Variants in DOK6 observed in about 807,000 individuals in gnomAD.
DOK6 encodes the protein docking protein 6.
In DOK6, 22 loss-of-function variants were observed where a neutral mutation model predicts 44.0. The observed-to-expected ratio is 0.50, with a 90% CI of 0.36 to 0.71. The LOEUF (loss-of-function observed/expected upper bound fraction) is 0.71, where lower values mean the gene tolerates loss of function less well. Among genes scored for constraint, DOK6 ranks in the 30% least tolerant of loss-of-function variants. The probability of loss-of-function intolerance (pLI) is 0.00; values close to 1 mark genes in which losing one functional copy is unlikely to be tolerated. For synonymous variants in DOK6, 166 were observed against 145.5 expected (o/e 1.14, Z -1.01); for missense variants, 340 against 416.4 (o/e 0.82, Z 1.60).
At chr18:69,593,598 CTG>C (rs1409623627) in intron 2 of DOK6, among the ~76,000 whole-genome samples, 1 of 152,258 alleles carries the variant, frequency 6.6e-6, no homozygotes, top group Middle Eastern at 3.4e-3. Flanking sequence ...AGAGCAAACA[CTG>C]TGTTTGACCT....
intron 7 of DOK6, among the ~76,000 whole-genome samples, chr18:69,769,140 A>G (rs73456831): frequency 0.036 from 5,484 of 152,150 alleles, 269 homozygotes; most frequent in African/African-American, 0.11. Flanking sequence ...GAGGAGTTTG[A>G]TATGAAACTC....
intron 5 of DOK6, among the ~76,000 whole-genome samples, chr18:69,702,334 A>G (rs943194165): frequency 6.6e-6 from 1 of 152,118 alleles, no homozygotes; most frequent in Non-Finnish European, 1.5e-5. Flanking sequence ...TTAGACAACA[A>G]GGTCTCGTGT....
At position 69,833,799 on chromosome 18, in the gene DOK6, G is replaced by T. The variant is rs145472311; in HGVS notation, c.857-7445G>T. Among the ~76,000 whole-genome samples, 373 of 152,178 alleles carry T rather than the reference G, an allele frequency of 2.5e-3. 3 individuals carry two copies. Among genetic ancestry groups the T allele is most frequent in the African/African-American group, 8.5e-3 (353 of 41,532 alleles). The stretch of plus-strand genomic sequence containing the variant: ...TATACAAGTGGCAAACAGATATGTA[G>T]ATATAAAAGCTCAACATAACTAATC... On this transcript the variant is annotated intron_variant, in intron 7 of 7. Coordinates refer to ENST00000382713, the MANE Select transcript of DOK6 (RefSeq NM_152721.6).
At chr18:69,789,180 G>A (rs752406665) in intron 7 of DOK6, among the ~76,000 whole-genome samples, 29 of 152,072 alleles carry the variant, frequency 1.9e-4, no homozygotes, top group South Asian at 1.2e-3. Flanking sequence ...CCCTAATTCC[G>A]AGTTTCTTCT....
intron 1 of DOK6, among the ~76,000 whole-genome samples, chr18:69,469,330 C>T (rs549085028): frequency 6.6e-6 from 1 of 152,214 alleles, no homozygotes; most frequent in Admixed American, 6.5e-5. Flanking sequence ...TTTTTATTCT[C>T]ACCCTTCACT....
intron 7 of DOK6, among the ~76,000 whole-genome samples, chr18:69,762,219 G>A (rs1387129697): frequency 6.6e-6 from 1 of 152,144 alleles, no homozygotes; most frequent in Non-Finnish European, 1.5e-5. Flanking sequence ...GCACACGCCT[G>A]TAGTCCTAGC....
chr18:69,624,561 C>G (rs1036575574), intron 3 of DOK6, among the ~76,000 whole-genome samples: 2 of 151,968 alleles, frequency 1.3e-5, no homozygotes, highest in African/African-American at 4.8e-5. Flanking sequence ...CTTGGCCATC[C>G]CATTTGATCT....
chr18:69,450,652 G>T (rs1392575833), intron 1 of DOK6, among the ~76,000 whole-genome samples: 10 of 152,016 alleles, frequency 6.6e-5, no homozygotes, highest in Admixed American at 3.9e-4. Flanking sequence ...GTTAAGGGCA[G>T]CCAGAGAGAA....
chr18:69,505,171 G>A (rs966533408), intron 1 of DOK6, among the ~76,000 whole-genome samples: 6 of 152,164 alleles, frequency 3.9e-5, no homozygotes, highest in Non-Finnish European at 8.8e-5. Context: ...AAGGATGCTA[G>A]GGTTTTCCTT....
At chr18:69,580,847 C>T (rs1983352611) in intron 2 of DOK6, among the ~76,000 whole-genome samples, 1 of 152,176 alleles carries the variant, frequency 6.6e-6, no homozygotes, top group Non-Finnish European at 1.5e-5. Flanking sequence ...CTCAACCCTT[C>T]CCAGCCTCTA....
chr18:69,666,514 AC>A (rs1404752766), intron 3 of DOK6, among the ~76,000 whole-genome samples: 1 of 152,146 alleles, frequency 6.6e-6, no homozygotes, highest in African/African-American at 2.4e-5. Flanking sequence ...TCTTAACCCA[AC>A]CAATTTTTTT....
At chr18:69,727,915 A>G (rs1018796830) in intron 5 of DOK6, among the ~76,000 whole-genome samples, 1 of 152,144 alleles carries the variant, frequency 6.6e-6, no homozygotes, top group Admixed American at 6.5e-5. Flanking sequence ...TCCCAGTTTT[A>G]TGTAGTTTGA....
At chr18:69,458,567 A>G (rs918054796) in intron 1 of DOK6, among the ~76,000 whole-genome samples, 1 of 152,204 alleles carries the variant, frequency 6.6e-6, no homozygotes, top group Non-Finnish European at 1.5e-5. Context: ...GAAAGGAATA[A>G]AAGGAATCCA....
intron 7 of DOK6, among the ~76,000 whole-genome samples, chr18:69,822,650 A>G (rs1399042790): frequency 6.6e-6 from 1 of 152,204 alleles, no homozygotes; most frequent in African/African-American, 2.4e-5. Context: ...TTGCAGGCGT[A>G]TGTTTCTTGA....
At position 69,476,399 on chromosome 18, in the gene DOK6, A is replaced by ATTTTGT. The variant is rs1980263758; in HGVS notation, c.66+75099_66+75104dup. 2.0e-5 allele frequency among the ~76,000 whole-genome samples: 3 copies of ATTTTGT among 151,754 alleles called. No homozygotes were observed. In the Middle Eastern group the frequency reaches 0.01, roughly 516 times the overall value. ...AATGTAAGTACCTGAAAACTCAGGA[A>ATTTTGT]TTTTGTTTTTGTTTTCTCAAGAGCG... On this transcript the variant is annotated intron_variant, in intron 1 of 7. Coordinates refer to ENST00000382713, the MANE Select transcript of DOK6 (RefSeq NM_152721.6).
At chr18:69,443,900 C>A (rs1470417835) in intron 1 of DOK6, among the ~76,000 whole-genome samples, 3 of 152,022 alleles carry the variant, frequency 2.0e-5, no homozygotes, top group Non-Finnish European at 4.4e-5. Flanking sequence ...GCTCCCTTAA[C>A]CTGCTGTGTA....
intron 1 of DOK6, among the ~76,000 whole-genome samples, chr18:69,502,400 T>C (rs968793114): frequency 6.6e-5 from 10 of 151,852 alleles, no homozygotes; most frequent in Non-Finnish European, 1.5e-4. Context: ...TGCTAATATA[T>C]TAAAAGTCGA....
At chr18:69,560,327 G>A (rs1982797439) in intron 1 of DOK6, among the ~76,000 whole-genome samples, 1 of 152,150 alleles carries the variant, frequency 6.6e-6, no homozygotes, top group African/African-American at 2.4e-5. Context: ...ACTGAGTGAA[G>A]TGATTTATCC....
rs771061011 is a variant in DOK6 at position 69,677,842 on chromosome 18, G to A, written c.398G>A (p.Arg133Gln). 9.9e-6 allele frequency: 16 copies of A among 1,613,300 alleles called. No individual in the cohort carries two copies. The highest frequency in any genetic ancestry group is 4.5e-5 in the East Asian group (2 of 44,856). The stretch of plus-strand genomic sequence containing the variant: ...GACCTTCTGGCCGCAGGAGTGCAGC[G>A]GGAACAGAATGGTAGGTGTGAGATT... ...EPDLLAAGVQREQNERFNVYL... is the reference protein window; with the variant it reads ...EPDLLAAGVQQEQNERFNVYL... Residue 133 changes from arginine to glutamine, a missense_variant, in exon 4 of 8, where the codon CGG (arginine) becomes CAG (glutamine). By Grantham distance (43) the Arg-to-Gln change is conservative. Transcript: ENST00000382713.
Sources: gnomAD v4.1 joint callset for allele counts (sites outside exome capture counted in the v4.1 genomes callset) on GRCh38, gnomAD v4.1.1 for gene constraint, MANE v1.5 for transcripts, NCBI Gene and HGNC (gene_info 2026-07-23, HGNC 2026-07-21) for gene names.